RGS20: variants seen among roughly 807,000 people sequenced by gnomAD.
RGS20 encodes the protein regulator of G protein signaling 20, also known as gz-selective GTPase-activating protein.
Under a neutral mutation model 33.6 loss-of-function variants are expected in RGS20, and 30 were observed. That is an observed-to-expected ratio of 0.89 (90% CI 0.67 to 1.21). The LOEUF is 1.21. Ranked by LOEUF, RGS20 falls within the 50% of genes most tolerant of loss-of-function variation. RGS20 has a pLI of 0.00. For synonymous variants in RGS20, 208 were observed against 197.9 expected (o/e 1.05, Z -0.43); for missense variants, 472 against 502.4 (o/e 0.94, Z 0.58).
Position 53,926,828 on chromosome 8 carries a change from G to A in RGS20, c.511-12748G>A, listed in dbSNP as rs182194230. 7.4e-3 allele frequency among the ~76,000 whole-genome samples: 1,130 copies of A among 152,106 alleles called. 15 individuals are homozygous for A. Among genetic ancestry groups the A allele is most frequent in the African/African-American group, 0.026 (1,061 of 41,490 alleles). On this transcript the variant is annotated intron_variant, in intron 2 of 5. Transcript: ENST00000297313. ...TCTGGGAGGCTGAGGCAGGAGAATCGCTTGAACCCAAGAGGCGGAGGTTAC... is the reference window on the plus strand; with the variant it reads ...TCTGGGAGGCTGAGGCAGGAGAATCACTTGAACCCAAGAGGCGGAGGTTAC...
chr8:53,954,479 C>T (rs1814802591), intron 5 of RGS20, among the ~76,000 whole-genome samples, 169 bp downstream of exon 4: 1 of 151,742 alleles, frequency 6.6e-6, no homozygotes, highest in Admixed American at 6.6e-5. Flanking sequence ...GCCTGACCAA[C>T]ATGGTGAAAC....
Position 53,918,615 on chromosome 8 carries a change from T to C in RGS20, c.511-20961T>C, listed in dbSNP as rs138077752. Among the ~76,000 whole-genome samples the C allele has an allele frequency of 7.6e-3, 1,150 of 152,304 alleles. 5 individuals carry two copies. Among genetic ancestry groups the C allele is most frequent in the Non-Finnish European group, 0.012 (843 of 68,024 alleles). ...GTTGGTCAGGCTGGTCTCGAACTCC[T>C]GACCTCAAATGATCCACCTGCCTCA... On this transcript the variant is annotated intron_variant, in intron 2 of 5. Coordinates refer to ENST00000297313, the MANE Select transcript of RGS20 (RefSeq NM_170587.4).
At chr8:53,894,978 G>T (rs569511884) in intron 2 of RGS20, among the ~76,000 whole-genome samples, 1 of 152,254 alleles carries the variant, frequency 6.6e-6, no homozygotes, top group South Asian at 2.1e-4. Context: ...TAGGCTTGTG[G>T]GTCATTGCAA....
At chr8:53,867,710 T>TC (rs1440224519) in intron 1 of RGS20, among the ~76,000 whole-genome samples, 1 of 141,018 alleles carries the variant, frequency 7.1e-6, no homozygotes, top group Non-Finnish European at 1.6e-5. Context: ...TTCCTTTCTT[T>TC]GTTTCTTTCC....
intron 2 of RGS20, among the ~76,000 whole-genome samples, chr8:53,934,361 C>G (rs890740569): frequency 7.9e-5 from 12 of 152,106 alleles, no homozygotes; most frequent in Admixed American, 4.6e-4. Context: ...TTTAGGAGAC[C>G]CATCTCACGT....
At chr8:53,858,893 A>T (rs1485317842) in intron 1 of RGS20, among the ~76,000 whole-genome samples, 2 of 99,188 alleles carry the variant, frequency 2.0e-5, no homozygotes, top group Non-Finnish European at 3.5e-5. Context: ...GGTTATGTTT[A>T]AAAAAAAAAA....
chr8:53,892,250 A>G (rs1585893799), intron 2 of RGS20, among the ~76,000 whole-genome samples: 1 of 152,190 alleles, frequency 6.6e-6, no homozygotes, highest in Non-Finnish European at 1.5e-5. Context: ...ATAGTATTCC[A>G]TGGTGTATAT....
At chr8:53,895,424 T>G (rs1812829313) in intron 2 of RGS20, among the ~76,000 whole-genome samples, 1 of 152,196 alleles carries the variant, frequency 6.6e-6, no homozygotes. Context: ...CCTGCTGTAC[T>G]GTGGTACGCT....
chr8:53,925,076 G>A (rs1329201554), intron 2 of RGS20, among the ~76,000 whole-genome samples: 1 of 152,140 alleles, frequency 6.6e-6, no homozygotes, highest in African/African-American at 2.4e-5. Context: ...AGCCAAGCAG[G>A]CCCACTGCTT....
At chr8:53,944,968 T>C (rs899851110) in intron 3 of RGS20, among the ~76,000 whole-genome samples, 1 of 152,194 alleles carries the variant, frequency 6.6e-6, no homozygotes, top group African/African-American at 2.4e-5. Flanking sequence ...CAGTAACTGT[T>C]GGCAAGGACA....
At chr8:53,886,404 C>T (rs1812549502) in intron 2 of RGS20, among the ~76,000 whole-genome samples, 1 of 152,150 alleles carries the variant, frequency 6.6e-6, no homozygotes, top group Non-Finnish European at 1.5e-5. Context: ...TAGCTATTTG[C>T]ATAGGGAATC....
At chr8:53,895,631 A>T (rs1269438750) in intron 2 of RGS20, among the ~76,000 whole-genome samples, 2 of 151,294 alleles carry the variant, frequency 1.3e-5, no homozygotes, top group South Asian at 4.2e-4. Flanking sequence ...CACTAATAAT[A>T]GTTTTTCTTT....
chr8:53,946,953 A>G (rs955588978), intron 4 of RGS20, among the ~76,000 whole-genome samples: 4 of 151,736 alleles, frequency 2.6e-5, no homozygotes, highest in Admixed American at 2.0e-4. Flanking sequence ...TTCCATTATT[A>G]GTCTAATCCC....
intron 1 of RGS20, among the ~76,000 whole-genome samples, chr8:53,860,718 C>A (rs886164024): frequency 2.0e-5 from 3 of 152,226 alleles, no homozygotes; most frequent in East Asian, 1.9e-4. Flanking sequence ...CTAATCCCAG[C>A]ACTCTGGGAG....
At chr8:53,866,529 A>C (rs1303487565) in intron 1 of RGS20, among the ~76,000 whole-genome samples, 5 of 151,880 alleles carry the variant, frequency 3.3e-5, no homozygotes, top group Admixed American at 3.3e-4. Context: ...GGAGGCACCC[A>C]CCATCACACG....
intron 2 of RGS20, among the ~76,000 whole-genome samples, chr8:53,881,513 T>C (rs1377113004): frequency 6.6e-6 from 1 of 151,610 alleles, no homozygotes; most frequent in Admixed American, 6.6e-5. Context: ...AAGGAAGGGG[T>C]TGGGCGCCCG....
intron 1 of RGS20, among the ~76,000 whole-genome samples, chr8:53,853,127 A>G (rs1419726305): frequency 6.6e-6 from 1 of 152,222 alleles, no homozygotes; most frequent in East Asian, 1.9e-4. Context: ...ATTAATGGAC[A>G]TCTTAATGTA....
chr8:53,869,785 A>T (rs930132424), intron 1 of RGS20, among the ~76,000 whole-genome samples: 8 of 152,224 alleles, frequency 5.3e-5, no homozygotes, highest in African/African-American at 2.4e-5. Context: ...GGAAAGGTTT[A>T]TTGATCACAT....
At chr8:53,863,114 A>G (rs1001768731) in intron 1 of RGS20, among the ~76,000 whole-genome samples, 1 of 152,014 alleles carries the variant, frequency 6.6e-6, no homozygotes, top group Non-Finnish European at 1.5e-5. Context: ...CAGCCTCCCG[A>G]GTAGCTGGGA....
Sources: allele counts gnomAD v4.1 joint callset (sites outside exome capture counted in the v4.1 genomes callset), GRCh38; gene constraint gnomAD v4.1.1; transcripts MANE v1.5; gene names NCBI Gene and HGNC (gene_info 2026-07-23, HGNC 2026-07-21).